Variants in FOXO3 observed in about 807,000 individuals in gnomAD.
FOXO3 encodes the protein forkhead box O3, also known as forkhead box protein O3.
Under a neutral mutation model 41.9 loss-of-function variants are expected in FOXO3, and 4 were observed. The ratio of observed to expected loss-of-function variants is 0.10; its 90% CI spans 0.05 to 0.22. The LOEUF (loss-of-function observed/expected upper bound fraction) is 0.22, where lower values mean the gene tolerates loss of function less well. Among genes scored for constraint, FOXO3 ranks in the 10% least tolerant of loss-of-function variants. FOXO3 has a pLI of 1.00. For missense variants in FOXO3, 534 were observed against 906.8 expected, an observed-to-expected ratio of 0.59 and a Z score of 5.28; for synonymous variants, 318 against 389.3, an observed-to-expected ratio of 0.82 and a Z score of 2.16.
At chr6:108,665,236 A>C (rs1337677762) in intron 2 of FOXO3, among the ~76,000 whole-genome samples, 2 of 152,328 alleles carry the variant, frequency 1.3e-5, no homozygotes, top group African/African-American at 4.8e-5. Flanking sequence ...TGAGAAGAGA[A>C]GGAGAGGGAT....
chr6:108,639,864 T>A (rs1778210008), intron 1 of FOXO3, among the ~76,000 whole-genome samples: 1 of 152,176 alleles, frequency 6.6e-6, no homozygotes, highest in South Asian at 2.1e-4. Context: ...CACAATACTC[T>A]GTGAATCAAA....
chr6:108,591,652 C>A (rs948778791), intron 1 of FOXO3, among the ~76,000 whole-genome samples: 1 of 152,182 alleles, frequency 6.6e-6, no homozygotes, highest in Admixed American at 6.5e-5. Flanking sequence ...ACATCTTGAG[C>A]TGGCTGTAAA....
At chr6:108,585,834 C>T (rs1434730582) in intron 1 of FOXO3, among the ~76,000 whole-genome samples, 1 of 152,198 alleles carries the variant, frequency 6.6e-6, no homozygotes, top group Non-Finnish European at 1.5e-5. Flanking sequence ...CATACAAAAT[C>T]GCTCTGTGCT....
chr6:108,663,839 G>T lies in FOXO3; in HGVS notation c.1006G>T (p.Val336Phe), dbSNP rs780564412. ...PIMASTELDE[V>F]QDDDAPLSPM... ...CATGGCAAGCACAGAGTTGGATGAA[G>T]TCCAGGACGATGATGCGCCTCTCTC... Residue 336 changes from valine (V) to phenylalanine (F), a missense_variant, in exon 2 of 3, where the codon GTC becomes TTC. Physicochemically the swap from Val to Phe is conservative, Grantham distance 50. Around this residue, in one of 8 missense-constraint regions of FOXO3, gnomAD observed 185 missense variants for 224.9 expected, o/e 0.82. Coordinates refer to ENST00000406360, the MANE Select transcript of FOXO3 (RefSeq NM_001455.4). 2 of 1,613,900 alleles carry T rather than the reference G, an allele frequency of 1.2e-6. No individual in the cohort carries two copies. Among genetic ancestry groups the T allele is most frequent in the Admixed American group, 3.3e-5 (2 of 60,002 alleles).
intron 1 of FOXO3, among the ~76,000 whole-genome samples, chr6:108,627,871 T>C (rs1285445160): frequency 6.6e-6 from 1 of 152,136 alleles, no homozygotes; most frequent in Non-Finnish European, 1.5e-5. Flanking sequence ...ACTTCTTCCA[T>C]TGGTTTGCTG....
At chr6:108,639,144 C>T (rs1430827369) in intron 1 of FOXO3, among the ~76,000 whole-genome samples, 1 of 152,184 alleles carries the variant, frequency 6.6e-6, no homozygotes, top group African/African-American at 2.4e-5. Context: ...GGAGGCCTGG[C>T]ACCAGTTTGC....
At chr6:108,594,461 C>G (rs1238038642) in intron 1 of FOXO3, among the ~76,000 whole-genome samples, 1 of 152,106 alleles carries the variant, frequency 6.6e-6, no homozygotes, top group East Asian at 1.9e-4. Context: ...CCCCATGGAC[C>G]AAGGCAGCAG....
intron 1 of FOXO3, among the ~76,000 whole-genome samples, chr6:108,594,829 C>T (rs1393741761): frequency 1.3e-5 from 2 of 152,172 alleles, no homozygotes; most frequent in African/African-American, 2.4e-5. Flanking sequence ...CAGCTCTTTC[C>T]AAACATGACT....
At chr6:108,618,096 G>T in intron 1 of FOXO3, 1 of 772,522 alleles carries the variant, frequency 1.3e-6, no homozygotes, top group African/African-American at 1.7e-5. Context: ...TGATTTGGTT[G>T]CCGGTCAAAT....
At chr6:108,672,789 T>C (rs1447080803) in intron 2 of FOXO3, among the ~76,000 whole-genome samples, 2 of 152,160 alleles carry the variant, frequency 1.3e-5, no homozygotes, top group East Asian at 1.9e-4. Flanking sequence ...CTCCCTTCCC[T>C]CTTCTTTTCC....
chr6:108,561,487 C>G lies in FOXO3; in HGVS notation c.279C>G (p.Leu93=), dbSNP rs1218262363. ...GCGGCACGCTGGGCTCCGGGCTGCT[C>G]CTTGAGGACTCGGCCCGGGTGCTGG... is the stretch of plus-strand genomic sequence containing the variant. ...GGSGTLGSGL[L]LEDSARVLAP... The change falls in exon 1 of 3, where the codon CTC becomes CTG. Residue 93 remains leucine, a synonymous_variant. Transcript: ENST00000406360. 2.7e-6 allele frequency: 4 copies of G among 1,492,886 alleles called. No homozygotes were observed. Among genetic ancestry groups the G allele is most frequent in the African/African-American group, 1.4e-5 (1 of 70,162 alleles). 92.5% of individuals were successfully genotyped at this position (1,492,886 alleles called of 1,614,324 possible).
chr6:108,606,714 G>A (rs918559472), intron 1 of FOXO3, among the ~76,000 whole-genome samples: 2 of 152,188 alleles, frequency 1.3e-5, no homozygotes, highest in Non-Finnish European at 1.5e-5. Context: ...TTAGTGACAG[G>A]ACTACCTGTT....
intron 2 of FOXO3, among the ~76,000 whole-genome samples, chr6:108,673,371 T>A (rs994124354): frequency 6.6e-6 from 1 of 152,220 alleles, no homozygotes; most frequent in African/African-American, 2.4e-5. Context: ...TCTGCACACC[T>A]GGCCAGGGCA....
intron 1 of FOXO3, among the ~76,000 whole-genome samples, chr6:108,641,604 T>G (rs1778259622): frequency 6.6e-6 from 1 of 152,162 alleles, no homozygotes; most frequent in Admixed American, 6.5e-5. Context: ...TTGATACATA[T>G]TTAAGGTATA....
chr6:108,592,001 T>A (rs1776744291), intron 1 of FOXO3, among the ~76,000 whole-genome samples: 1 of 151,990 alleles, frequency 6.6e-6, no homozygotes, highest in South Asian at 2.1e-4. Context: ...AAAAACATTG[T>A]GAGAGAAAAA....
chr6:108,595,631 T>A (rs1365807870), intron 1 of FOXO3, among the ~76,000 whole-genome samples: 1 of 152,202 alleles, frequency 6.6e-6, no homozygotes, highest in Non-Finnish European at 1.5e-5. Flanking sequence ...AAAGATAGAT[T>A]GTTTACCCTT....
At chr6:108,607,984 TG>T (rs1777253692) in intron 1 of FOXO3, among the ~76,000 whole-genome samples, 1 of 152,192 alleles carries the variant, frequency 6.6e-6, no homozygotes, top group African/African-American at 2.4e-5. Context: ...TTCAGAGCAG[TG>T]GCATTTGGGG....
At chr6:108,647,970 A>G (rs1562256904) in intron 1 of FOXO3, among the ~76,000 whole-genome samples, 1 of 152,214 alleles carries the variant, frequency 6.6e-6, no homozygotes, top group Non-Finnish European at 1.5e-5. Context: ...AAATACTGTC[A>G]GAAGAAAGAA....
chr6:108,602,251 CT>C (rs1009773210), intron 1 of FOXO3, among the ~76,000 whole-genome samples: 14 of 152,032 alleles, frequency 9.2e-5, no homozygotes, highest in Non-Finnish European at 1.6e-4. Context: ...TCTAGTCACT[CT>C]TTTTTTTCTT....
Sources: allele counts gnomAD v4.1 joint callset (sites outside exome capture counted in the v4.1 genomes callset), GRCh38; gene constraint gnomAD v4.1.1; regional missense constraint gnomAD v4.1.1; transcripts MANE v1.5; gene names NCBI Gene and HGNC (gene_info 2026-07-23, HGNC 2026-07-21).